CR1L: variants seen among roughly 807,000 people sequenced by gnomAD.
The protein encoded by CR1L is complement component receptor 1-like protein.
In CR1L, 59 loss-of-function variants were observed where a neutral mutation model predicts 62.3. That is an observed-to-expected ratio of 0.95 (90% CI 0.77 to 1.18). CR1L has a LOEUF of 1.18. Among genes scored for constraint, CR1L ranks in the 50% most tolerant of loss-of-function variants. The pLI is 0.00. For synonymous variants in CR1L, 279 were observed against 248.7 expected (o/e 1.12, Z -1.15); for missense variants, 700 against 702.8 (o/e 1.00, Z 0.04).
At chr1:207,723,214 G>A (rs1394531802) in intron 11 of CR1L, among the ~76,000 whole-genome samples, 2 of 151,916 alleles carry the variant, frequency 1.3e-5, no homozygotes, top group Admixed American at 6.6e-5. Context: ...GGCAGATCAC[G>A]AGGTCAGGAG....
In CR1L at chr1:207,668,717, A is replaced by G. The variant is rs1026869933; in HGVS notation, c.98-8672A>G. On this transcript the variant is annotated intron_variant, in intron 1 of 11. Coordinates refer to ENST00000508064, the MANE Select transcript of CR1L (RefSeq NM_175710.2). ...TTAAGAAAGGAAGTAACCAAAATCC[A>G]ATACATGAGCAACTGTTCATTCCAT... is the stretch of plus-strand genomic sequence containing the variant. 9.3e-5 allele frequency among the ~76,000 whole-genome samples: 14 copies of G among 151,044 alleles called. 2 individuals carry two copies. The highest frequency in any genetic ancestry group is 3.2e-4 in the African/African-American group (13 of 40,352).
intron 10 of CR1L, among the ~76,000 whole-genome samples, chr1:207,714,381 GA>G (rs1230114417): frequency 6.6e-6 from 1 of 152,194 alleles, no homozygotes; most frequent in African/African-American, 2.4e-5. Flanking sequence ...TCAATCAGAG[GA>G]AAGCACACCC....
chr1:207,695,768 G>A (rs1366292220), intron 5 of CR1L, among the ~76,000 whole-genome samples: 1 of 152,220 alleles, frequency 6.6e-6, no homozygotes, highest in Non-Finnish European at 1.5e-5. Context: ...GGAAGGCAAA[G>A]AGGAAGCATG....
At chr1:207,713,321 A>G (rs967456455) in intron 10 of CR1L, among the ~76,000 whole-genome samples, 1 of 152,268 alleles carries the variant, frequency 6.6e-6, no homozygotes, top group Non-Finnish European at 1.5e-5. Flanking sequence ...GTTTTAGGAA[A>G]CTTAAAACCA....
chr1:207,655,044 C>T (rs752703954), intron 1 of CR1L: 5 of 246,514 alleles, frequency 2.0e-5, no homozygotes, highest in African/African-American at 6.9e-5. Flanking sequence ...ATTTATTTAG[C>T]ACTTTCATTA....
Position 207,717,609 on chromosome 1 carries a change from C to G in CR1L, c.1560C>G (p.Ser520Arg). ...TGACCTTCAACCTCATTGGGGAGAG[C>G]ACCATCCGCCGCACAAGTGAACCTC... The part of the protein sequence containing the change: ...RGMTFNLIGE[S>R]TIRRTSEPHG... The change falls in exon 11 of 12, where the codon AGC (serine) becomes AGG (arginine). Residue 520 changes from serine (S) to arginine (R), a missense_variant. Physicochemically the swap from Ser to Arg is moderately radical, Grantham distance 110. Transcript: ENST00000508064. 1 of 1,613,974 alleles carries G rather than the reference C, an allele frequency of 6.2e-7. No individual in the cohort carries two copies. Among genetic ancestry groups the G allele is most frequent in the Non-Finnish European group, 8.5e-7 (1 of 1,179,870 alleles).
At chr1:207,695,249 C>T (rs12726522) in intron 5 of CR1L, among the ~76,000 whole-genome samples, 19,212 of 152,062 alleles carry the variant, frequency 0.13, 1,343 homozygotes, top group East Asian at 0.23. Context: ...CCTGAGCCTC[C>T]CAAGCAGCTG....
At position 207,677,500 on chromosome 1, in the gene CR1L, C is replaced by G; in HGVS notation, c.209C>G (p.Ser70Cys). Residue 70 changes from serine to cysteine, a missense_variant, in exon 2 of 12, where the codon TCC becomes TGC. By Grantham distance (112) the Ser-to-Cys change is moderately radical. Transcript: ENST00000508064. Reference sequence around the variant, plus strand: ...AACTATGAATGCCGCCCTGGTTATTCCGGAAGACCGTTTTCTATCATCTGC... The same window carrying G: ...AACTATGAATGCCGCCCTGGTTATTGCGGAAGACCGTTTTCTATCATCTGC... ...YLNYECRPGY[S>C]GRPFSIICLK... The G allele has an allele frequency of 6.2e-7, 1 of 1,613,842 alleles. No homozygotes were observed. Among genetic ancestry groups the G allele is most frequent in the Non-Finnish European group, 8.5e-7 (1 of 1,179,864 alleles).
intron 1 of CR1L, among the ~76,000 whole-genome samples, chr1:207,656,746 G>C (rs1281708395): frequency 3.9e-5 from 6 of 152,210 alleles, no homozygotes; most frequent in African/African-American, 1.4e-4. Flanking sequence ...TCAGTATCAC[G>C]AGAACAGCAC....
At chr1:207,720,870 G>C (rs753883138) in intron 11 of CR1L, among the ~76,000 whole-genome samples, 3 of 152,098 alleles carry the variant, frequency 2.0e-5, no homozygotes, top group Non-Finnish European at 4.4e-5. Flanking sequence ...CCATTACCCA[G>C]TGTCCCATTC....
chr1:207,706,245 C>A (rs992906956), intron 9 of CR1L, among the ~76,000 whole-genome samples: 5 of 151,530 alleles, frequency 3.3e-5, no homozygotes, highest in Non-Finnish European at 7.4e-5. Flanking sequence ...TAAGGCAAAA[C>A]CCCATCTCTA....
intron 3 of CR1L, among the ~76,000 whole-genome samples, chr1:207,681,543 A>G (rs975294610): frequency 3.3e-5 from 5 of 152,232 alleles, no homozygotes; most frequent in African/African-American, 1.2e-4. Context: ...TTAATAAATT[A>G]AAATATTCTT....
rs757955316 is a variant in CR1L at position 207,699,195 on chromosome 1, A to G, written c.1149A>G (p.Gln383=). The G allele has an allele frequency of 3.1e-6, 5 of 1,613,686 alleles. No individual in the cohort carries two copies. The highest frequency in any genetic ancestry group is 1.1e-5 in the South Asian group (1 of 91,068). The change falls in exon 8 of 12, where the codon CAA becomes CAG. Residue 383 remains glutamine, a synonymous_variant. Coordinates refer to ENST00000508064, the MANE Select transcript of CR1L (RefSeq NM_175710.2). ...CTCCTATTTTCTTCTTTAGATTTCAATTAAAAGGCAGCTCTGCTAGTTACT... is the reference window on the plus strand; with the variant it reads ...CTCCTATTTTCTTCTTTAGATTTCAGTTAAAAGGCAGCTCTGCTAGTTACT... ...KVDFVCDEGF[Q]LKGSSASYCV... is the part of the protein sequence containing the mutation.
rs896392624 is a variant in CR1L at position 207,677,506 on chromosome 1, G to C, written c.215G>C (p.Arg72Thr). ...NYECRPGYSG[R>T]PFSIICLKNS... ...GAATGCCGCCCTGGTTATTCCGGAAGACCGTTTTCTATCATCTGCCTAAAA... is the reference window on the plus strand; with the variant it reads ...GAATGCCGCCCTGGTTATTCCGGAACACCGTTTTCTATCATCTGCCTAAAA... The change falls in exon 2 of 12, where the codon AGA becomes ACA. Residue 72 changes from arginine (R) to threonine (T), a missense_variant. Transcript: ENST00000508064. 44 of 1,613,770 alleles carry C rather than the reference G, an allele frequency of 2.7e-5. No individual in the cohort carries two copies. In the East Asian group the frequency reaches 9.8e-4, roughly 36 times the overall value.
At position 207,685,729 on chromosome 1, in the gene CR1L, G is replaced by A. The variant is rs147576801; in HGVS notation, c.463+1772G>A. Among the ~76,000 whole-genome samples the A allele has an allele frequency of 5.0e-3, 766 of 152,182 alleles. 2 individuals carry two copies. Among genetic ancestry groups the A allele is most frequent in the Middle Eastern group, 0.017 (5 of 294 alleles). ...ATCGCAGAGGATGCTGAAACTCCCC[G>A]TGTGAATGTTTTTCTCAAGCCTCCA... On this transcript the variant is annotated intron_variant, in intron 4 of 11. Coordinates refer to ENST00000508064, the MANE Select transcript of CR1L (RefSeq NM_175710.2).
intron 1 of CR1L, among the ~76,000 whole-genome samples, chr1:207,671,198 G>A (rs1357491851): frequency 6.6e-6 from 1 of 150,864 alleles, no homozygotes; most frequent in Non-Finnish European, 1.5e-5. Flanking sequence ...TTGAAAATCA[G>A]GTGGGGTAGT....
intron 10 of CR1L, among the ~76,000 whole-genome samples, chr1:207,713,406 G>T (rs1212737840): frequency 2.0e-5 from 3 of 152,172 alleles, no homozygotes; most frequent in South Asian, 2.1e-4. Context: ...GTCAAGAATG[G>T]CCAGTGTAAT....
chr1:207,658,619 G>A (rs1443870229), intron 1 of CR1L: 3 of 152,640 alleles, frequency 2.0e-5, no homozygotes, highest in Admixed American at 2.0e-4. Flanking sequence ...AGATGGCCCA[G>A]GATGGGATGT....
intron 3 of CR1L, among the ~76,000 whole-genome samples, chr1:207,679,058 G>C (rs1197618205): frequency 6.7e-6 from 1 of 148,446 alleles, no homozygotes; most frequent in Non-Finnish European, 1.5e-5. Flanking sequence ...GTGCAGTGGC[G>C]AGATCTCGGC....
Sources: allele counts gnomAD v4.1 joint callset (sites outside exome capture counted in the v4.1 genomes callset), GRCh38; gene constraint gnomAD v4.1.1; transcripts MANE v1.5; gene names NCBI Gene and HGNC (gene_info 2026-07-23, HGNC 2026-07-21).